The following LAMA4 variants were observed in gnomAD, a reference collection of about 807,000 sequenced individuals.
The protein encoded by LAMA4 is laminin subunit alpha 4, also known as laminin subunit alpha-4.
LAMA4 carries 127 observed loss-of-function variants against 207.1 expected under a neutral mutation model. The ratio of observed to expected loss-of-function variants is 0.61; its 90% CI spans 0.53 to 0.71. The LOEUF is 0.71. LAMA4 is among the 30% of genes least tolerant of loss of function. LAMA4 has a pLI of 0.00. For synonymous variants in LAMA4, 761 were observed against 816.0 expected, an observed-to-expected ratio of 0.93 and a Z score of 1.15; for missense variants, 2,093 against 2,246.5, an observed-to-expected ratio of 0.93 and a Z score of 1.38.
intron 2 of LAMA4, among the ~76,000 whole-genome samples, chr6:112,237,424 A>G (rs1554366442): frequency 6.6e-6 from 1 of 152,232 alleles, no homozygotes; most frequent in South Asian, 2.1e-4. Flanking sequence ...AGGCCCCAGC[A>G]TAGTGGTTCT....
chr6:112,154,671 C>A, intron 16 of LAMA4, 180 bp downstream of exon 16: 1 of 604,270 alleles, frequency 1.7e-6, no homozygotes, highest in Non-Finnish European at 2.9e-6. Flanking sequence ...TTTTTTCAAT[C>A]ACAATTTAAA....
At chr6:112,232,120 C>T (rs868984347) in intron 2 of LAMA4, among the ~76,000 whole-genome samples, 2 of 152,206 alleles carry the variant, frequency 1.3e-5, no homozygotes, top group African/African-American at 4.8e-5. Context: ...GAGTGGCAGT[C>T]GGCTCAGGGA....
At chr6:112,185,125 T>G (rs182948854) in intron 9 of LAMA4, 112 bp downstream of exon 9, 6 of 783,418 alleles carry the variant, frequency 7.7e-6, no homozygotes, top group Non-Finnish European at 2.3e-6. Context: ...CATGGGTCAC[T>G]GCATTTTTTC....
rs373081510 is a variant in LAMA4 at position 112,154,892 on chromosome 6, A to C, written c.2015T>G (p.Leu672Arg). 6.2e-7 allele frequency: 1 copy of C among 1,613,444 alleles called. No individual in the cohort carries two copies. The highest frequency in any genetic ancestry group is 1.7e-5 in the Admixed American group (1 of 60,018). Reference protein sequence around the residue: ...IIYHKDESENLLNQARELQAK... With the variant: ...IIYHKDESENRLNQARELQAK... ...TTGCAGTTCTCTGGCTTGATTGAGG[A>C]GGTTCTCACTTTCATCTTTATGGTA... The change falls in exon 16 of 39, where the codon CTC (leucine) becomes CGC (arginine). Residue 672 changes from leucine to arginine, a missense_variant. Transcript: ENST00000230538.
At chr6:112,177,372 C>T (rs1433935475) in intron 10 of LAMA4, among the ~76,000 whole-genome samples, 1 of 152,126 alleles carries the variant, frequency 6.6e-6, no homozygotes, top group African/African-American at 2.4e-5. Context: ...TCATCCAGCC[C>T]TTAATATATA....
rs1777565667 is a variant in LAMA4 at position 112,109,237 on chromosome 6, C to T, written c.*200G>A. The stretch of plus-strand genomic sequence containing the variant: ...AGTTTGCCACTCCTTCAATTGTTGT[C>T]CATTGCAGACACTTTGGATTCAAGG... On this transcript the variant is annotated 3_prime_UTR_variant, in exon 39 of 39. Coordinates refer to ENST00000230538, the MANE Select transcript of LAMA4 (RefSeq NM_001105206.3). The T allele has an allele frequency of 4.8e-6, 3 of 627,460 alleles. No homozygotes were observed. In the African/African-American group the frequency reaches 5.5e-5, roughly 12 times the overall value. The allele number at this position is 627,460 out of a possible 1,614,324, so 38.9% of individuals were successfully genotyped here.
intron 2 of LAMA4, chr6:112,234,801 A>T (rs1047186919): frequency 1.3e-5 from 2 of 152,218 alleles, no homozygotes; most frequent in Non-Finnish European, 2.9e-5. Context: ...GCACAGGAAA[A>T]ATGTGCTTCA....
In LAMA4 at chr6:112,244,324, T is replaced by C. The variant is rs149606902; in HGVS notation, c.195+9632A>G. ...CACCAGCACCGTGACAGTTTACAAATGCCATGAAATGTCTGGAAGTTACCC... is the reference window on the plus strand; with the variant it reads ...CACCAGCACCGTGACAGTTTACAAACGCCATGAAATGTCTGGAAGTTACCC... On this transcript the variant is annotated intron_variant, in intron 2 of 38. Transcript: ENST00000230538. 2.0e-4 allele frequency among the ~76,000 whole-genome samples: 30 copies of C among 152,274 alleles called. No homozygotes were observed. The East Asian group carries it at 5.4e-3, about 27-fold the overall frequency.
At chr6:112,134,108 G>GCTACAC in intron 26 of LAMA4, among the ~76,000 whole-genome samples, 1 of 152,280 alleles carries the variant, frequency 6.6e-6, no homozygotes, top group African/African-American at 2.4e-5. Context: ...GATGCTATTG[G>GCTACAC]AGAGTTCAAA....
In LAMA4 at chr6:112,119,309, C is replaced by T. The variant is rs1554325297; in HGVS notation, c.4668G>A (p.Val1556=). ...EKYNDGLWHD[V]IFIRERSSGR... ...CACTGCTCCTTTCTCGAATAAATAT[C>T]ACCTGGATGAAGAGAAGGACAATAG... The change falls in exon 34 of 39, where the codon GTG becomes GTA. Residue 1556 remains valine (V), a splice_region_variant and synonymous_variant. Transcript: ENST00000230538. 1.9e-6 allele frequency: 3 copies of T among 1,613,714 alleles called. No homozygotes were observed. Among genetic ancestry groups the T allele is most frequent in the Non-Finnish European group, 2.5e-6 (3 of 1,179,858 alleles).
intron 2 of LAMA4, among the ~76,000 whole-genome samples, chr6:112,223,968 G>T (rs1388123967): frequency 6.6e-6 from 1 of 151,966 alleles, no homozygotes; most frequent in Non-Finnish European, 1.5e-5. Flanking sequence ...CCTTTGTCTT[G>T]ACTCATCCTT....
chr6:112,142,429 C>A, intron 19 of LAMA4, 137 bp from the exon 20 acceptor site: 1 of 813,912 alleles, frequency 1.2e-6, no homozygotes, highest in South Asian at 1.4e-5. Flanking sequence ...ACATCCTCCC[C>A]TAGTTGAAGA....
chr6:112,119,161 C>G lies in LAMA4; in HGVS notation c.4816G>C (p.Val1606Leu). ...CCTGGTCATGCCTGGCTTACCTGAA[C>G]ATTTTTCACAGCCTTTCCAGGAGCC... ...GVAPGKAVKN[V>L]QINSIYSFSG... is the part of the protein sequence containing the mutation. The change falls in exon 34 of 39, where the codon GTT (valine) becomes CTT (leucine). Residue 1606 changes from valine to leucine, a missense_variant. Physicochemically the swap from Val to Leu is conservative, Grantham distance 32. Transcript: ENST00000230538. The G allele has an allele frequency of 6.2e-7, 1 of 1,613,852 alleles. No homozygotes were observed. The highest frequency in any genetic ancestry group is 8.5e-7 in the Non-Finnish European group (1 of 1,179,884).
intron 5 of LAMA4, among the ~76,000 whole-genome samples, chr6:112,198,368 A>G (rs1470892367): frequency 6.6e-6 from 1 of 152,222 alleles, no homozygotes; most frequent in Non-Finnish European, 1.5e-5. Context: ...AGATATCCAT[A>G]CAAATCAGTT....
intron 2 of LAMA4, among the ~76,000 whole-genome samples, chr6:112,241,936 C>A (rs1786546928): frequency 6.6e-6 from 1 of 152,190 alleles, no homozygotes; most frequent in African/African-American, 2.4e-5. Context: ...ACACAGACTG[C>A]ACTCCTCACT....
At chr6:112,144,302 C>A (rs1249840437) in intron 19 of LAMA4, among the ~76,000 whole-genome samples, 7 of 152,136 alleles carry the variant, frequency 4.6e-5, no homozygotes, top group East Asian at 3.8e-4. Context: ...GTTAACCCTG[C>A]GGGTGGTCAG....
chr6:112,166,715 G>A (rs782273165), intron 12 of LAMA4, among the ~76,000 whole-genome samples: 1 of 152,294 alleles, frequency 6.6e-6, no homozygotes, highest in East Asian at 1.9e-4. Flanking sequence ...GCATTAGACA[G>A]AAATGAATAA....
intron 4 of LAMA4, 113 bp downstream of exon 4, chr6:112,206,908 G>C (rs1784087753): frequency 1.6e-6 from 2 of 1,266,146 alleles, no homozygotes; most frequent in East Asian, 4.7e-5. Context: ...TCAATATGAG[G>C]TTTTGCCTGT....
intron 2 of LAMA4, chr6:112,234,907 G>A (rs1057172950): frequency 9.2e-5 from 14 of 152,028 alleles, no homozygotes; most frequent in African/African-American, 3.4e-4. Flanking sequence ...AATATCTTTG[G>A]ATATCCAAAT....
Sources: allele counts gnomAD v4.1 joint callset (sites outside exome capture counted in the v4.1 genomes callset), GRCh38; gene constraint gnomAD v4.1.1; transcripts MANE v1.5; gene names NCBI Gene and HGNC (gene_info 2026-07-23, HGNC 2026-07-21).